The following DOCK11 variants were observed in gnomAD, a reference collection of about 807,000 sequenced individuals.
The protein encoded by DOCK11 is dedicator of cytokinesis 11.
A neutral mutation model predicts 169.1 loss-of-function variants in DOCK11; 70 were observed. That is an observed-to-expected ratio of 0.41 (90% CI 0.34 to 0.51). The LOEUF is 0.51. Among genes scored for constraint, DOCK11 ranks in the 20% least tolerant of loss-of-function variants. The pLI is 0.10. For missense variants in DOCK11, 1,166 were observed against 1,538.8 expected (o/e 0.76, Z 4.05); for synonymous variants, 529 against 541.3 (o/e 0.98, Z 0.32).
intron 14 of DOCK11, among the ~76,000 whole-genome samples, 159 bp downstream of exon 14, chrX:118,580,338 C>T (rs192576914): frequency 2.5e-3 from 280 of 111,714 alleles, no homozygotes; most frequent in Admixed American, 4.4e-3. Flanking sequence ...GTTTTTGAGA[C>T]GGAGTTTCGC....
intron 31 of DOCK11, among the ~76,000 whole-genome samples, chrX:118,619,043 G>A (rs1231855727): frequency 9.3e-6 from 1 of 107,782 alleles, no homozygotes; most frequent in Admixed American, 9.9e-5. Context: ...TTTTTTAGTA[G>A]AGATGGGGTT....
chrX:118,547,593 G>T (rs928384827), intron 6 of DOCK11, among the ~76,000 whole-genome samples: 4 of 112,063 alleles, frequency 3.6e-5, no homozygotes, highest in Non-Finnish European at 7.5e-5. Flanking sequence ...ACTATTCTTA[G>T]TTTATAGATT....
At chrX:118,592,761 C>T (rs1334078503) in intron 19 of DOCK11, among the ~76,000 whole-genome samples, 1 of 111,839 alleles carries the variant, frequency 8.9e-6, no homozygotes, top group African/African-American at 3.2e-5. Flanking sequence ...ACTATAAGAC[C>T]ATCGTTACTT....
chrX:118,569,086 CTTT>C (rs2013184016), intron 10 of DOCK11, among the ~76,000 whole-genome samples: 2 of 71,002 alleles, frequency 2.8e-5, no homozygotes, highest in African/African-American at 9.5e-5. Context: ...TTCTTTCTTT[CTTT>C]CCTTTTTTTT....
Position 118,649,140 on chromosome X carries a change from A to G in DOCK11, c.4581+13A>G. 1 of 1,153,963 alleles carries G rather than the reference A, an allele frequency of 8.7e-7. No individual in the cohort carries two copies. The highest frequency in any genetic ancestry group is 2.1e-5 in the South Asian group (1 of 48,705). ...GACACATCTACAGGTCAGTGAAAAT[A>G]AAAGCGCCTCTTCATCTTTCTTCTC... On this transcript the variant is annotated intron_variant, in intron 41 of 52. Coordinates refer to ENST00000276202, the MANE Select transcript of DOCK11 (RefSeq NM_144658.4).
chrX:118,638,330 A>G (rs755773520), intron 37 of DOCK11, among the ~76,000 whole-genome samples: 1 of 112,294 alleles, frequency 8.9e-6, no homozygotes, highest in African/African-American at 3.2e-5. Context: ...GATTAAAGTG[A>G]TATACAGAGT....
intron 18 of DOCK11, among the ~76,000 whole-genome samples, chrX:118,588,794 G>A (rs964933239): frequency 8.9e-6 from 1 of 111,760 alleles, no homozygotes; most frequent in Non-Finnish European, 1.9e-5. Context: ...ACCATCAAGG[G>A]ACTATAAACT....
chrX:118,620,407 A>C (rs1416792000), intron 31 of DOCK11, among the ~76,000 whole-genome samples: 1 of 111,998 alleles, frequency 8.9e-6, no homozygotes, highest in Non-Finnish European at 1.9e-5. Context: ...TTTTAAACAG[A>C]AAATGCCTGC....
chrX:118,556,354 C>T (rs2012693112), intron 6 of DOCK11, among the ~76,000 whole-genome samples: 1 of 109,348 alleles, frequency 9.1e-6, no homozygotes, highest in Non-Finnish European at 1.9e-5. Flanking sequence ...CATTTTCCTA[C>T]TTTGAGGATA....
intron 10 of DOCK11, among the ~76,000 whole-genome samples, chrX:118,568,426 T>TATATA (rs2013159078): frequency 1.3e-5 from 1 of 75,184 alleles, no homozygotes; most frequent in African/African-American, 4.7e-5. Flanking sequence ...ATATATATAT[T>TATATA]TCTCAGTTTC....
intron 46 of DOCK11, among the ~76,000 whole-genome samples, chrX:118,672,772 CTTG>C (rs2147584004): frequency 8.9e-6 from 1 of 112,805 alleles, no homozygotes; most frequent in East Asian, 2.8e-4. Context: ...TAGGCCTTTC[CTTG>C]TTGACGTGGT....
intron 1 of DOCK11, among the ~76,000 whole-genome samples, chrX:118,510,987 A>G (rs1308520585): frequency 1.8e-5 from 2 of 112,339 alleles, no homozygotes; most frequent in Non-Finnish European, 3.8e-5. Flanking sequence ...CTGGCTGATA[A>G]CATTTGCATC....
chrX:118,600,210 C>T (rs188489333), intron 23 of DOCK11, among the ~76,000 whole-genome samples: 122 of 110,296 alleles, frequency 1.1e-3, no homozygotes, highest in African/African-American at 3.8e-3. Flanking sequence ...AGTTCAAGAC[C>T]GGCCTGACCA....
intron 4 of DOCK11, 81 bp downstream of exon 4, chrX:118,543,674 G>GGC: frequency 2.4e-6 from 2 of 842,257 alleles, no homozygotes; most frequent in Non-Finnish European, 3.5e-6. Context: ...TGTGAGGCCG[G>GGC]GTGCAGTGGC....
chrX:118,572,078 G>A (rs1014810933), intron 10 of DOCK11, among the ~76,000 whole-genome samples: 1 of 112,137 alleles, frequency 8.9e-6, no homozygotes. Context: ...GTAGGCCATA[G>A]TACAGACTTG....
chrX:118,564,171 C>T (rs1225827361), intron 7 of DOCK11, among the ~76,000 whole-genome samples: 1 of 112,366 alleles, frequency 8.9e-6, no homozygotes, highest in Non-Finnish European at 1.9e-5. Flanking sequence ...GTGATCCGCT[C>T]ACCTCAGCCA....
chrX:118,657,621 C>CT lies in DOCK11; in HGVS notation c.4969+2668dup, dbSNP rs763903642. ...ACTTAGCTTCAGTGATCCAAAACAC[C>CT]TTTTTTTTCTTAATTAGCTGATTCA... On this transcript the variant is annotated intron_variant, in intron 44 of 52. Transcript: ENST00000276202. 9.0e-5 allele frequency among the ~76,000 whole-genome samples: 10 copies of CT among 111,502 alleles called. No homozygotes were observed. The South Asian group carries it at 2.2e-3, about 25-fold the overall frequency.
intron 6 of DOCK11, among the ~76,000 whole-genome samples, chrX:118,549,842 C>T (rs777235971): frequency 1.8e-5 from 2 of 111,755 alleles, no homozygotes; most frequent in South Asian, 7.5e-4. Context: ...TCTGAGATTA[C>T]AGGCATCAGC....
Position 118,585,071 on chromosome X carries a change from T to C in DOCK11, c.1749T>C (p.Pro583=). The part of the protein sequence containing the change: ...KPEKTKLQII[P]GQLNITVECV... ...AAAAGACCAAACTGCAGATTATTCC[T>C]GGGCAGCTAAACATCACAGTAGAAT... The change falls in exon 16 of 53, where the codon CCT becomes CCC. Residue 583 remains proline, a synonymous_variant. Transcript: ENST00000276202. 1 of 1,210,837 alleles carries C rather than the reference T, an allele frequency of 8.3e-7. No homozygotes were observed. The highest frequency in any genetic ancestry group is 1.8e-5 in the South Asian group (1 of 56,940).
Sources: allele counts gnomAD v4.1 joint callset (sites outside exome capture counted in the v4.1 genomes callset), GRCh38; gene constraint gnomAD v4.1.1; transcripts MANE v1.5; gene names NCBI Gene and HGNC (gene_info 2026-07-23, HGNC 2026-07-21).